The following VCL variants were observed in gnomAD, a reference collection of about 807,000 sequenced individuals.
VCL encodes epididymis luminal protein 114.
In VCL, 47 loss-of-function variants were observed where a neutral mutation model predicts 125.7. The ratio of observed to expected loss-of-function variants is 0.37; its 90% CI spans 0.30 to 0.48. The LOEUF is 0.48. VCL is among the 20% of genes least tolerant of loss of function. The probability of loss-of-function intolerance (pLI) is 0.99; values close to 1 mark genes in which losing one functional copy is unlikely to be tolerated. For synonymous variants in VCL, 458 were observed against 514.6 expected, an observed-to-expected ratio of 0.89 and a Z score of 1.49; for missense variants, 1,069 against 1,455.5, an observed-to-expected ratio of 0.73 and a Z score of 4.32.
intron 1 of VCL, among the ~76,000 whole-genome samples, chr10:74,020,145 A>G (rs955426749): frequency 6.6e-6 from 1 of 152,190 alleles, no homozygotes; most frequent in Non-Finnish European, 1.5e-5. Context: ...CAGGTAAGGA[A>G]ACTAAGGCTG....
chr10:74,009,454 T>C (rs898427204), intron 1 of VCL, among the ~76,000 whole-genome samples: 1 of 149,908 alleles, frequency 6.7e-6, no homozygotes, highest in Non-Finnish European at 1.5e-5. Context: ...AGAGATGGAG[T>C]TTCACCATGT....
chr10:74,073,449 G>C (rs759956677), intron 5 of VCL, among the ~76,000 whole-genome samples: 1 of 152,174 alleles, frequency 6.6e-6, no homozygotes, highest in African/African-American at 2.4e-5. Flanking sequence ...CCCTTTGCTG[G>C]GAGGTGGACT....
intron 1 of VCL, among the ~76,000 whole-genome samples, chr10:74,002,052 G>A (rs114993631): frequency 0.031 from 4,721 of 152,226 alleles, 137 homozygotes; most frequent in African/African-American, 0.075. Context: ...TTATCAAGCA[G>A]GTGTTTATTG....
intron 1 of VCL, among the ~76,000 whole-genome samples, chr10:74,039,743 G>A (rs1286371968): frequency 1.3e-5 from 2 of 151,940 alleles, no homozygotes; most frequent in African/African-American, 4.8e-5. Context: ...ACTCAAGTCT[G>A]GGATATGGGG....
chr10:74,023,876 C>T (rs2136235420), intron 1 of VCL, among the ~76,000 whole-genome samples: 1 of 152,310 alleles, frequency 6.6e-6, no homozygotes, highest in East Asian at 1.9e-4. Context: ...AGCCAGCATG[C>T]TCTGGAAGTG....
intron 1 of VCL, among the ~76,000 whole-genome samples, chr10:74,007,184 G>C (rs932368282): frequency 2.0e-5 from 3 of 152,068 alleles, no homozygotes; most frequent in Non-Finnish European, 4.4e-5. Context: ...TTGCCATGTT[G>C]CCCAGGCTGT....
intron 2 of VCL, among the ~76,000 whole-genome samples, chr10:74,053,227 C>T (rs1446150502): frequency 6.6e-6 from 1 of 152,016 alleles, no homozygotes; most frequent in East Asian, 1.9e-4. Context: ...AGAGATATGA[C>T]TAAAAAGAAA....
chr10:74,089,369 G>T lies in VCL; in HGVS notation c.1176+20G>T, dbSNP rs370298549. 6.2e-7 allele frequency: 1 copy of T among 1,613,136 alleles called. No individual in the cohort carries two copies. Among genetic ancestry groups the T allele is most frequent in the African/African-American group, 1.3e-5 (1 of 74,904 alleles). ...GCTCAGGTAGTCACAGTGATTTTCA[G>T]GAGGGGTGGGAAATATTTCATAAAT... On this transcript the variant is annotated intron_variant, in intron 9 of 21. Transcript: ENST00000211998.
Position 74,082,571 on chromosome 10 carries a change from T to C in VCL, c.874+27T>C, listed in dbSNP as rs533423634. On this transcript the variant is annotated intron_variant, in intron 7 of 21. Transcript: ENST00000211998. ...TAACCCTCTAGTTCTGCTTTTCTGA[T>C]CAATACAACGAGAAGCTAAAAACCA... The C allele has an allele frequency of 2.5e-6, 4 of 1,609,706 alleles. No homozygotes were observed. The African/African-American group carries it at 5.3e-5, about 21-fold the overall frequency.
At chr10:74,080,855 G>A (rs1438350637) in intron 6 of VCL, among the ~76,000 whole-genome samples, 3 of 152,146 alleles carry the variant, frequency 2.0e-5, no homozygotes, top group African/African-American at 4.8e-5. Context: ...CTTTTAAAAA[G>A]TTATTGATTC....
intron 7 of VCL, 110 bp from the exon 8 acceptor site, chr10:74,083,256 C>A: frequency 1.4e-6 from 2 of 1,436,016 alleles, no homozygotes; most frequent in Non-Finnish European, 1.9e-6. Context: ...TCTATTCACT[C>A]GTCTTGTTTA....
In VCL at chr10:74,072,859, C is replaced by G. The variant is rs1316549585; in HGVS notation, c.622+7C>G. ...CTGCCAGTTCTCATTTCAGGTACTTCCTGCCTGTACTTTATTTTATAGGGG... is the reference window on the plus strand; with the variant it reads ...CTGCCAGTTCTCATTTCAGGTACTTGCTGCCTGTACTTTATTTTATAGGGG... On this transcript the variant is annotated splice_region_variant and intron_variant, in intron 5 of 21. Coordinates refer to ENST00000211998, the MANE Select transcript of VCL (RefSeq NM_014000.3). 5 of 1,613,868 alleles carry G rather than the reference C, an allele frequency of 3.1e-6. No individual in the cohort carries two copies. The highest frequency in any genetic ancestry group is 1.7e-5 in the Admixed American group (1 of 59,984).
At chr10:74,073,696 T>A (rs541508501) in intron 5 of VCL, among the ~76,000 whole-genome samples, 1 of 152,334 alleles carries the variant, frequency 6.6e-6, no homozygotes, top group South Asian at 2.1e-4. Context: ...AGTAGTGCTC[T>A]GAAATGCAAA....
At chr10:74,039,304 TA>T (rs35195816) in intron 1 of VCL, among the ~76,000 whole-genome samples, 4 of 145,752 alleles carry the variant, frequency 2.7e-5, no homozygotes, top group Non-Finnish European at 4.5e-5. Flanking sequence ...ATTTCTTCCG[TA>T]AAAAGGTAAC....
chr10:74,010,498 G>C (rs1840413476), intron 1 of VCL, among the ~76,000 whole-genome samples: 1 of 151,946 alleles, frequency 6.6e-6, no homozygotes, highest in Non-Finnish European at 1.5e-5. Flanking sequence ...GCAATCTTCT[G>C]TCAGTATTTC....
chr10:74,072,620 G>A (rs1345915563), intron 4 of VCL, 110 bp from the exon 5 acceptor site: 3 of 1,511,642 alleles, frequency 2.0e-6, no homozygotes, highest in Middle Eastern at 1.7e-4. Context: ...TTAAATAAGT[G>A]AGCAATCGGT....
rs1840355147 is a variant in VCL at position 74,119,036 on chromosome 10, C to T, written c.*867C>T. The T allele has an allele frequency of 6.5e-6, 1 of 152,744 alleles. No homozygotes were observed. Among genetic ancestry groups the T allele is most frequent in the South Asian group, 2.1e-4 (1 of 4,834 alleles). 9.5% of individuals were successfully genotyped at this position (152,744 alleles called of 1,614,324 possible). A position where few individuals can be genotyped will look rare whatever the true frequency, so the allele number is the denominator to read the frequency against. ...ATCTTCCCAGCAGGGCCACTCCCGGCACTCCATGCTTAGTCACTGCCTGCA... is the reference window on the plus strand; with the variant it reads ...ATCTTCCCAGCAGGGCCACTCCCGGTACTCCATGCTTAGTCACTGCCTGCA... On this transcript the variant is annotated 3_prime_UTR_variant, in exon 22 of 22. Coordinates refer to ENST00000211998, the MANE Select transcript of VCL (RefSeq NM_014000.3).
At chr10:74,083,269 A>G (rs1839708601) in intron 7 of VCL, 97 bp from the exon 8 acceptor site, 1 of 1,524,402 alleles carries the variant, frequency 6.6e-7, no homozygotes, top group Non-Finnish European at 9.0e-7. Flanking sequence ...CTTGTTTAAA[A>G]TCATCCATTC....
chr10:74,044,654 A>G (rs1427536916), intron 2 of VCL, among the ~76,000 whole-genome samples: 2 of 152,226 alleles, frequency 1.3e-5, no homozygotes, highest in African/African-American at 4.8e-5. Flanking sequence ...AAGCAGTTCC[A>G]CTGTCGGGTA....
Sources: gnomAD v4.1 joint callset for allele counts (sites outside exome capture counted in the v4.1 genomes callset) on GRCh38, gnomAD v4.1.1 for gene constraint, MANE v1.5 for transcripts, NCBI Gene and HGNC (gene_info 2026-07-23, HGNC 2026-07-21) for gene names.